Variants in GAD2 observed in about 807,000 individuals in gnomAD.
GAD2 encodes 65 kDa glutamic acid decarboxylase.
In GAD2, 22 loss-of-function variants were observed where a neutral mutation model predicts 80.1. The ratio of observed to expected loss-of-function variants is 0.27; its 90% CI spans 0.20 to 0.39. The LOEUF is 0.39. Ranked by LOEUF, GAD2 falls within the 10% of genes least tolerant of loss-of-function variation. The pLI is 1.00. For synonymous variants in GAD2, 274 were observed against 256.9 expected (o/e 1.07, Z -0.64); for missense variants, 624 against 738.4 (o/e 0.85, Z 1.80).
Position 26,273,665 on chromosome 10 carries a change from C to T in GAD2, c.1122C>T (p.Ser374=). The change falls in exon 11 of 16, where the codon TCC becomes TCT. Residue 374 remains serine (S), a synonymous_variant. Coordinates refer to ENST00000376261, the MANE Select transcript of GAD2 (RefSeq NM_001134366.2). The part of the protein sequence containing the change: ...DAAWGGGLLM[S]RKHKWKLSGV... ...CTTGGGGTGGGGGATTACTGATGTC[C>T]CGAAAACACAAGTGGAAACTGAGTG... The T allele has an allele frequency of 1.2e-6, 2 of 1,613,278 alleles. No individual in the cohort carries two copies. The highest frequency in any genetic ancestry group is 8.5e-7 in the Non-Finnish European group (1 of 1,179,750).
chr10:26,221,898 C>T (rs995270967), intron 4 of GAD2, among the ~76,000 whole-genome samples: 3 of 152,192 alleles, frequency 2.0e-5, no homozygotes, highest in Admixed American at 2.0e-4. Context: ...GACACCTGAC[C>T]TATGGGGGCA....
intron 5 of GAD2, 140 bp from the exon 6 acceptor site, chr10:26,224,399 T>C: frequency 4.5e-6 from 3 of 672,064 alleles, no homozygotes; most frequent in East Asian, 5.6e-5. Flanking sequence ...TTTGAAATAA[T>C]TTTCTCTCTG....
At chr10:26,294,012 T>A (rs1478375345) in intron 15 of GAD2, among the ~76,000 whole-genome samples, 1 of 152,232 alleles carries the variant, frequency 6.6e-6, no homozygotes, top group Non-Finnish European at 1.5e-5. Flanking sequence ...TAATCTTTCA[T>A]CCTCTCCTGC....
intron 12 of GAD2, among the ~76,000 whole-genome samples, chr10:26,282,022 G>T (rs1012434534): frequency 4.6e-5 from 7 of 152,088 alleles, no homozygotes; most frequent in Middle Eastern, 3.4e-3. Flanking sequence ...GGCACACTGC[G>T]ATCTCTGCCT....
intron 15 of GAD2, among the ~76,000 whole-genome samples, chr10:26,298,863 A>G (rs1159345468): frequency 6.6e-6 from 1 of 152,216 alleles, no homozygotes; most frequent in Non-Finnish European, 1.5e-5. Flanking sequence ...TGGCTGGAAT[A>G]TGCTAGTAGA....
intron 8 of GAD2, among the ~76,000 whole-genome samples, chr10:26,250,980 C>T (rs538136450): frequency 8.7e-5 from 13 of 148,956 alleles, no homozygotes; most frequent in Middle Eastern, 3.4e-3. Flanking sequence ...CCTGGATTCA[C>T]GCCATTCTCC....
At chr10:26,255,715 A>T (rs1267719198) in intron 8 of GAD2, among the ~76,000 whole-genome samples, 7 of 151,988 alleles carry the variant, frequency 4.6e-5, no homozygotes. Context: ...GGAAGGAAGG[A>T]AGGAAATAAA....
intron 12 of GAD2, 69 bp downstream of exon 12, chr10:26,281,156 C>A: frequency 1.7e-6 from 2 of 1,148,080 alleles, no homozygotes; most frequent in Non-Finnish European, 2.6e-6. Flanking sequence ...GGTTGACTTT[C>A]TCTGGAAATG....
rs1834328700 is a variant in GAD2, at chr10:26,301,424, A to G, written c.*463A>G. ...AAAAATTTCTAATTTACCTATAGCA[A>G]CATTTCAAATGTATTTAAATACATA... On this transcript the variant is annotated 3_prime_UTR_variant, in exon 16 of 16. Coordinates refer to ENST00000376261, the MANE Select transcript of GAD2 (RefSeq NM_001134366.2). The G allele has an allele frequency of 6.6e-6, 1 of 152,362 alleles. No homozygotes were observed. Among genetic ancestry groups the G allele is most frequent in the Non-Finnish European group, 1.5e-5 (1 of 68,192 alleles). The allele number at this position is 152,362 out of a possible 1,614,324, so 9.4% of individuals were successfully genotyped here. A position where few individuals can be genotyped will look rare whatever the true frequency, so the allele number is the denominator to read the frequency against.
Position 26,217,957 on chromosome 10 carries a change from A to G in GAD2, c.252A>G (p.Lys84=), listed in dbSNP as rs1462003077. The G allele has an allele frequency of 2.4e-5, 38 of 1,611,638 alleles. No homozygotes were observed. The highest frequency in any genetic ancestry group is 3.2e-5 in the Non-Finnish European group (38 of 1,179,030). Residue 84 remains lysine, a synonymous_variant, in exon 3 of 16, where the codon AAA becomes AAG. Transcript: ENST00000376261. The surrounding 1 kb of genome is among the most constrained non-coding windows in gnomAD (Gnocchi z 4.9). ...ACDQKPCSCS[K]VDVNYAFLHA... ...ACCAGAAGCCCTGCAGCTGCTCCAA[A>G]GTGGATGTCAACTACGCGTTTCTCC...
At chr10:26,222,560 C>A (rs1564655565) in intron 4 of GAD2, among the ~76,000 whole-genome samples, 1 of 152,108 alleles carries the variant, frequency 6.6e-6, no homozygotes, top group African/African-American at 2.4e-5. Context: ...AGCCTTCTCA[C>A]CCTTCGTGGA....
chr10:26,235,126 G>A (rs902539451), intron 7 of GAD2, among the ~76,000 whole-genome samples: 16 of 152,140 alleles, frequency 1.1e-4, no homozygotes, highest in Non-Finnish European at 2.1e-4. Context: ...CACCTGCCTT[G>A]GCCTTCCAAA....
intron 11 of GAD2, among the ~76,000 whole-genome samples, chr10:26,277,667 G>C (rs1293177663): frequency 3.9e-5 from 6 of 152,172 alleles, no homozygotes; most frequent in Non-Finnish European, 8.8e-5. Context: ...TAAGTGGATG[G>C]ACCTAGGAGA....
intron 7 of GAD2, among the ~76,000 whole-genome samples, chr10:26,235,354 G>A (rs1162515443): frequency 6.6e-6 from 1 of 152,080 alleles, no homozygotes; most frequent in Non-Finnish European, 1.5e-5. Context: ...ATTCATGAAG[G>A]GAAGAGCCAT....
At position 26,229,663 on chromosome 10, in the gene GAD2, T is replaced by C. The variant is rs1436813190; in HGVS notation, c.726T>C (p.Gly242=). 1 of 1,611,352 alleles carries C rather than the reference T, an allele frequency of 6.2e-7. No homozygotes were observed. Among genetic ancestry groups the C allele is most frequent in the Admixed American group, 1.7e-5 (1 of 59,938 alleles). ...GGSGDGIFSP[G]GAISNMYAMM... is the part of the protein sequence containing the mutation. Reference sequence around the variant, plus strand: ...ACTGCGTGTTGCTGTGCACTTTAGGTGGCGCCATATCTAACATGTATGCCA... The same window carrying C: ...ACTGCGTGTTGCTGTGCACTTTAGGCGGCGCCATATCTAACATGTATGCCA... Residue 242 remains glycine, a splice_region_variant and synonymous_variant, in exon 7 of 16, where the codon GGT becomes GGC. Transcript: ENST00000376261.
intron 11 of GAD2, among the ~76,000 whole-genome samples, chr10:26,273,944 T>C (rs1371521697): frequency 1.3e-5 from 2 of 152,162 alleles, no homozygotes; most frequent in East Asian, 3.9e-4. Flanking sequence ...CCAGGTAGAA[T>C]CTCTTTCAGA....
At chr10:26,295,221 A>G (rs973533504) in intron 15 of GAD2, among the ~76,000 whole-genome samples, 2 of 152,102 alleles carry the variant, frequency 1.3e-5, no homozygotes, top group African/African-American at 2.4e-5. Context: ...TTTCCTGGAG[A>G]TGGCAATTAG....
Position 26,216,973 on chromosome 10 carries a change from C to T in GAD2, c.76+88C>T. 1.7e-6 allele frequency: 2 copies of T among 1,172,100 alleles called. No individual in the cohort carries two copies. The highest frequency in any genetic ancestry group is 2.5e-6 in the Non-Finnish European group (2 of 806,808). The allele number at this position is 1,172,100 out of a possible 1,614,324, so 72.6% of individuals were successfully genotyped here. A position where few individuals can be genotyped will look rare whatever the true frequency, so the allele number is the denominator to read the frequency against. On this transcript the variant is annotated intron_variant, in intron 1 of 15. Coordinates refer to ENST00000376261, the MANE Select transcript of GAD2 (RefSeq NM_001134366.2). The surrounding 1 kb of genome is among the most constrained non-coding windows in gnomAD (Gnocchi z 4.7). ...TACGGAGAAGACGAAGGAGGTTTTTCCACCTGCAACAGGAAACTTCTTCGG... is the reference window on the plus strand; with the variant it reads ...TACGGAGAAGACGAAGGAGGTTTTTTCACCTGCAACAGGAAACTTCTTCGG...
chr10:26,271,120 T>C (rs1038928131), intron 10 of GAD2, among the ~76,000 whole-genome samples: 6 of 151,752 alleles, frequency 4.0e-5, no homozygotes, highest in Admixed American at 2.6e-4. Flanking sequence ...GTCAGAAGAG[T>C]AAAGAGGAGT....
Sources: allele counts gnomAD v4.1 joint callset (sites outside exome capture counted in the v4.1 genomes callset), GRCh38; gene constraint gnomAD v4.1.1; non-coding constraint Gnocchi (gnomAD v3.1); transcripts MANE v1.5; gene names NCBI Gene and HGNC (gene_info 2026-07-23, HGNC 2026-07-21).